CNTNAP2: variants seen among roughly 807,000 people sequenced by gnomAD.
The protein encoded by CNTNAP2 is contactin-associated protein-like 2.
CNTNAP2 carries 98 observed loss-of-function variants against 155.2 expected under a neutral mutation model. That is an observed-to-expected ratio of 0.63 (90% CI 0.54 to 0.75). CNTNAP2 has a LOEUF of 0.75. Among genes scored for constraint, CNTNAP2 ranks in the 30% least tolerant of loss-of-function variants. The probability of loss-of-function intolerance (pLI) is 0.00; values close to 1 mark genes in which losing one functional copy is unlikely to be tolerated. For missense variants in CNTNAP2, 1,727 were observed against 1,688.1 expected (o/e 1.02, Z -0.40); for synonymous variants, 651 against 631.2 (o/e 1.03, Z -0.47).
intron 1 of CNTNAP2, among the ~76,000 whole-genome samples, chr7:146,438,574 T>G (rs542337091): frequency 4.0e-5 from 6 of 151,482 alleles, no homozygotes; most frequent in African/African-American, 1.2e-4. Flanking sequence ...TATATCTAAT[T>G]TTTCACATTT....
chr7:146,245,406 A>G (rs1012364268), intron 1 of CNTNAP2, among the ~76,000 whole-genome samples: 58 of 152,266 alleles, frequency 3.8e-4, no homozygotes, highest in African/African-American at 1.4e-3. Context: ...AAATGTAGAG[A>G]GTAAGTTGAG....
At chr7:146,947,564 TATATATATATAC>T (rs1211450116) in intron 3 of CNTNAP2, among the ~76,000 whole-genome samples, 684 of 30,136 alleles carry the variant, frequency 0.023, 14 homozygotes, top group African/African-American at 0.045. Context: ...TGTGTATATA[TATATATATATAC>T]ATATATATAT....
chr7:147,492,076 T>G (rs1399829415), intron 11 of CNTNAP2, among the ~76,000 whole-genome samples: 1 of 152,216 alleles, frequency 6.6e-6, no homozygotes, highest in East Asian at 1.9e-4. Flanking sequence ...TCCAACGTTT[T>G]TGGCACCAGG....
chr7:147,594,533 G>GCT (rs1800793857), intron 12 of CNTNAP2, among the ~76,000 whole-genome samples: 1 of 152,174 alleles, frequency 6.6e-6, no homozygotes, highest in Admixed American at 6.5e-5. Flanking sequence ...TCTAAGTCAT[G>GCT]CTCTTAGGGC....
intron 4 of CNTNAP2, among the ~76,000 whole-genome samples, chr7:147,086,001 G>A (rs1175688871): frequency 6.6e-6 from 1 of 152,074 alleles, no homozygotes; most frequent in South Asian, 2.1e-4. Flanking sequence ...CCTCATTGAA[G>A]CACAACTTGA....
chr7:148,091,517 A>T (rs988449848), intron 15 of CNTNAP2, among the ~76,000 whole-genome samples: 27 of 152,206 alleles, frequency 1.8e-4, no homozygotes, highest in African/African-American at 6.5e-4. Flanking sequence ...GGCGATGCAT[A>T]TGGGACAAAA....
intron 1 of CNTNAP2, among the ~76,000 whole-genome samples, chr7:146,721,520 A>C (rs1295139617): frequency 8.0e-6 from 1 of 125,120 alleles, no homozygotes; most frequent in Non-Finnish European, 1.6e-5. Flanking sequence ...TATACATTCT[A>C]TATATATTCT....
intron 1 of CNTNAP2, among the ~76,000 whole-genome samples, chr7:146,389,695 T>C (rs1468195015): frequency 4.0e-5 from 6 of 148,372 alleles, no homozygotes; most frequent in Admixed American, 2.0e-4. Context: ...TTTTTTCTTT[T>C]CTTTTTTCTT....
At chr7:146,897,473 G>A (rs1362192499) in intron 3 of CNTNAP2, among the ~76,000 whole-genome samples, 3 of 152,006 alleles carry the variant, frequency 2.0e-5, no homozygotes, top group Non-Finnish European at 4.4e-5. Flanking sequence ...TTTATGGTTC[G>A]TGGAGGCCAA....
intron 1 of CNTNAP2, among the ~76,000 whole-genome samples, chr7:146,300,843 G>A (rs1800596070): frequency 6.6e-6 from 1 of 152,054 alleles, no homozygotes; most frequent in Non-Finnish European, 1.5e-5. Flanking sequence ...ATCGTACATT[G>A]ATGTTAACTC....
chr7:147,820,054 T>A (rs1045623758), intron 13 of CNTNAP2, among the ~76,000 whole-genome samples: 8 of 152,148 alleles, frequency 5.3e-5, no homozygotes, highest in Admixed American at 3.9e-4. Flanking sequence ...AGATATATGT[T>A]TAAATTTATA....
In CNTNAP2 at chr7:148,220,367, G is replaced by A. The variant is rs1244956635; in HGVS notation, c.3247+2843G>A. 3.9e-5 allele frequency among the ~76,000 whole-genome samples: 6 copies of A among 152,196 alleles called. No individual in the cohort carries two copies. The South Asian group carries it at 6.2e-4, about 16-fold the overall frequency. On this transcript the variant is annotated intron_variant, in intron 19 of 23. Coordinates refer to ENST00000361727, the MANE Select transcript of CNTNAP2 (RefSeq NM_014141.6). ...TCCGCCCGCCTCGGCCTTCCAAAGT[G>A]CTGGGATTACAGGCGTGAGCCATCG...
intron 11 of CNTNAP2, chr7:147,497,074 G>C (rs897799474): frequency 6.6e-6 from 1 of 152,012 alleles, no homozygotes; most frequent in Non-Finnish European, 1.5e-5. Context: ...CTTGACTTTT[G>C]GGGTATTCTC....
chr7:147,573,791 C>T (rs1800339913), intron 12 of CNTNAP2, among the ~76,000 whole-genome samples: 1 of 152,276 alleles, frequency 6.6e-6, no homozygotes, highest in South Asian at 2.1e-4. Flanking sequence ...CCAAGAATGT[C>T]TTCATCCCCC....
At chr7:147,432,429 T>C (rs1797481027) in intron 10 of CNTNAP2, among the ~76,000 whole-genome samples, 2 of 152,352 alleles carry the variant, frequency 1.3e-5, no homozygotes, top group Middle Eastern at 6.8e-3. Context: ...TGAAGTTTTC[T>C]ACCAAGGAAA....
At chr7:147,931,426 T>C (rs1800502011) in intron 14 of CNTNAP2, among the ~76,000 whole-genome samples, 1 of 152,140 alleles carries the variant, frequency 6.6e-6, no homozygotes, top group Admixed American at 6.5e-5. Context: ...AAGGGGATAC[T>C]TTCAAACTCA....
chr7:146,808,489 AC>A lies in CNTNAP2; in HGVS notation c.209-31221del, dbSNP rs1323238778. 2.0e-5 allele frequency among the ~76,000 whole-genome samples: 3 copies of A among 152,300 alleles called. No homozygotes were observed. In the South Asian group the frequency reaches 6.2e-4, roughly 32 times the overall value. ...GATTTTGCTCACTTCTGACTTTGTAACTTTTTCTGAAGGAATCACATTTTTA... is the reference window on the plus strand; with the variant it reads ...GATTTTGCTCACTTCTGACTTTGTAATTTTTCTGAAGGAATCACATTTTTA... On this transcript the variant is annotated intron_variant, in intron 2 of 23. Transcript: ENST00000361727.
At chr7:147,126,549 C>G (rs868377461) in intron 6 of CNTNAP2, among the ~76,000 whole-genome samples, 5 of 152,294 alleles carry the variant, frequency 3.3e-5, no homozygotes, top group Middle Eastern at 3.4e-3. Flanking sequence ...TCTCAGCTCA[C>G]CGCAATCTCC....
chr7:146,362,857 G>A (rs1366755593), intron 1 of CNTNAP2, among the ~76,000 whole-genome samples: 2 of 127,078 alleles, frequency 1.6e-5, no homozygotes, highest in Admixed American at 2.1e-4. Context: ...TGTAACCCCC[G>A]CCTCCCGGGT....
Sources: gnomAD v4.1 joint callset for allele counts (sites outside exome capture counted in the v4.1 genomes callset) on GRCh38, gnomAD v4.1.1 for gene constraint, MANE v1.5 for transcripts, NCBI Gene and HGNC (gene_info 2026-07-23, HGNC 2026-07-21) for gene names.